FAT2: variants seen among roughly 807,000 people sequenced by gnomAD.
FAT2 encodes the protein FAT atypical cadherin 2.
In FAT2, 150 loss-of-function variants were observed where a neutral mutation model predicts 295.3. That is an observed-to-expected ratio of 0.51 (90% CI 0.44 to 0.58). FAT2 has a LOEUF of 0.58. FAT2 is among the 20% of genes least tolerant of loss of function. The probability of loss-of-function intolerance (pLI) is 0.00; values close to 1 mark genes in which losing one functional copy is unlikely to be tolerated. For missense variants in FAT2, 4,868 were observed against 5,442.7 expected, an observed-to-expected ratio of 0.89 and a Z score of 3.32; for synonymous variants, 2,026 against 2,150.3, an observed-to-expected ratio of 0.94 and a Z score of 1.60.
intron 20 of FAT2, among the ~76,000 whole-genome samples, chr5:151,515,775 CCTGACTGGG>C (rs1752806187): frequency 6.6e-6 from 1 of 152,206 alleles, no homozygotes; most frequent in African/African-American, 2.4e-5. Flanking sequence ...GCAGTGGCCT[CCTGACTGGG>C]TCTCTCTGCT....
chr5:151,518,030 C>A (rs1753040784), intron 19 of FAT2, among the ~76,000 whole-genome samples: 1 of 152,058 alleles, frequency 6.6e-6, no homozygotes, highest in South Asian at 2.1e-4. Flanking sequence ...GAATTTAAAC[C>A]ATTAAGAAAG....
chr5:151,551,091 G>C (rs1328874606), intron 7 of FAT2, among the ~76,000 whole-genome samples: 2 of 152,172 alleles, frequency 1.3e-5, no homozygotes, highest in Non-Finnish European at 2.9e-5. Flanking sequence ...TTCTGGAAGG[G>C]CCTTTCCATC....
chr5:151,531,592 C>T lies in FAT2; in HGVS notation c.9806G>A (p.Arg3269His), dbSNP rs1754612838. The change falls in exon 14 of 24, where the codon CGC (arginine) becomes CAC (histidine). Residue 3269 changes from arginine to histidine, a missense_variant. This residue lies in a region of FAT2 where 1,046 missense variants were observed against 1,210.1 expected (regional missense o/e 0.86). Coordinates refer to ENST00000261800, the MANE Select transcript of FAT2 (RefSeq NM_001447.3). This position sits in a 1 kb window ranked among gnomAD's most constrained non-coding sequence, Gnocchi z 5.7. ...NEQGRFRLDA[R>H]TGILYVNASL... ...TTGGTGGATCAGGCTCTCACCTGTG[C>T]GAGCATCCAGGCGGAACCTGCCTTG... 3.1e-6 allele frequency: 5 copies of T among 1,612,326 alleles called. No homozygotes were observed. Among genetic ancestry groups the T allele is most frequent in the Middle Eastern group, 2.1e-4 (1 of 4,784 alleles).
intron 22 of FAT2, 82 bp from the exon 23 acceptor site, chr5:151,507,693 G>T: frequency 7.7e-7 from 1 of 1,295,154 alleles, no homozygotes; most frequent in Non-Finnish European, 1.0e-6. Context: ...ATGGGATAGA[G>T]ACTGCTCCCC....
intron 3 of FAT2, among the ~76,000 whole-genome samples, chr5:151,562,199 A>C (rs1316419156): frequency 6.6e-6 from 1 of 152,192 alleles, no homozygotes; most frequent in Non-Finnish European, 1.5e-5. Context: ...TCCCAGCGTC[A>C]TCCTCCTCCT....
At chr5:151,578,243 C>A (rs912975332) in intron 1 of FAT2, among the ~76,000 whole-genome samples, 9 of 152,138 alleles carry the variant, frequency 5.9e-5, no homozygotes, top group Non-Finnish European at 8.8e-5. Context: ...GCTGAATGGG[C>A]CTCGTTTTGT....
chr5:151,520,119 C>G (rs534523897), intron 19 of FAT2, among the ~76,000 whole-genome samples: 1 of 152,326 alleles, frequency 6.6e-6, no homozygotes, highest in South Asian at 2.1e-4. Context: ...ATCGAGTGGT[C>G]CCTGGACAAA....
intron 13 of FAT2, among the ~76,000 whole-genome samples, chr5:151,533,571 T>C (rs952681337): frequency 1.3e-5 from 2 of 152,186 alleles, no homozygotes; most frequent in African/African-American, 4.8e-5. Flanking sequence ...AATTTTACCC[T>C]GCTGGTGTCA....
At chr5:151,552,639 G>A (rs950948682) in intron 6 of FAT2, among the ~76,000 whole-genome samples, 1 of 152,198 alleles carries the variant, frequency 6.6e-6, no homozygotes, top group Admixed American at 6.5e-5. Context: ...GAAGGGTTCT[G>A]TGACCCCCAG....
intron 12 of FAT2, among the ~76,000 whole-genome samples, chr5:151,536,589 C>T (rs1755317214): frequency 6.6e-6 from 1 of 152,206 alleles, no homozygotes. Flanking sequence ...ACTCTCACAG[C>T]CCAGCCTCTC....
chr5:151,583,746 C>T (rs968956597), intron 1 of FAT2, among the ~76,000 whole-genome samples: 4 of 151,764 alleles, frequency 2.6e-5, no homozygotes, highest in African/African-American at 9.7e-5. Flanking sequence ...GCCAGTAATC[C>T]CAACACTTTG....
Position 151,507,367 on chromosome 5 carries a change from C to T in FAT2, c.12304G>A (p.Glu4102Lys), listed in dbSNP as rs367689507. 5.0e-6 allele frequency: 8 copies of T among 1,614,066 alleles called. No individual in the cohort carries two copies. The highest frequency in any genetic ancestry group is 1.3e-5 in the African/African-American group (1 of 74,914). ...GVDTQAMPAIELNPLSASSCN... is the reference protein window; with the variant it reads ...GVDTQAMPAIKLNPLSASSCN... ...GAGCTGGCACTCAATGGGTTGAGCT[C>T]GATGGCAGGCATGGCTTGGGTGTCA... Residue 4102 changes from glutamate to lysine, a missense_variant, in exon 23 of 24, where the codon GAG becomes AAG. Around this residue, in one of 5 missense-constraint regions of FAT2, gnomAD observed 492 missense variants for 482.6 expected, o/e 1.02. Transcript: ENST00000261800.
At chr5:151,590,584 G>T (rs1759359532) in intron 1 of FAT2, among the ~76,000 whole-genome samples, 1 of 152,144 alleles carries the variant, frequency 6.6e-6, no homozygotes, top group African/African-American at 2.4e-5. Flanking sequence ...GACTATGCAT[G>T]CCCCCATTCT....
In FAT2 at chr5:151,567,726, C is replaced by A; in HGVS notation, c.1206G>T (p.Glu402Asp). Residue 402 changes from glutamate (E) to aspartate (D), a missense_variant, in exon 2 of 24, where the codon GAG becomes GAT. Glu to Asp is a conservative substitution (Grantham distance 45, BLOSUM62 2). This residue lies in a region of FAT2 where 3,297 missense variants were observed against 3,669.4 expected (regional missense o/e 0.90). Coordinates refer to ENST00000261800, the MANE Select transcript of FAT2 (RefSeq NM_001447.3). ...NLQYVLKPSS[E>D]NVGFKLNART... ...GAGCATTAAGTTTAAATCCTACATTCTCTGAAGATGGCTTTAGAACATACT... is the reference window on the plus strand; with the variant it reads ...GAGCATTAAGTTTAAATCCTACATTATCTGAAGATGGCTTTAGAACATACT... 6.2e-7 allele frequency: 1 copy of A among 1,614,226 alleles called. No homozygotes were observed. The highest frequency in any genetic ancestry group is 8.5e-7 in the Non-Finnish European group (1 of 1,180,044).
Position 151,568,424 on chromosome 5 carries a change from C to G in FAT2, c.508G>C (p.Val170Leu), listed in dbSNP as rs1278222147. 1 of 1,614,212 alleles carries G rather than the reference C, an allele frequency of 6.2e-7. No homozygotes were observed. The highest frequency in any genetic ancestry group is 8.5e-7 in the Non-Finnish European group (1 of 1,180,030). ...CCTAGATCAGCATCTGTGGCAGTCACCTTGCAGATGGGGCTCTTCAGGGGC... is the reference window on the plus strand; with the variant it reads ...CCTAGATCAGCATCTGTGGCAGTCAGCTTGCAGATGGGGCTCTTCAGGGGC... ...DMPLKSPICK[V>L]TATDADLGQN... Residue 170 changes from valine to leucine, a missense_variant, in exon 2 of 24, where the codon GTG becomes CTG. Val to Leu is a conservative substitution (Grantham distance 32). Transcript: ENST00000261800.
intron 10 of FAT2, among the ~76,000 whole-genome samples, chr5:151,541,088 A>G (rs187161481): frequency 9.4e-4 from 143 of 152,372 alleles, no homozygotes; most frequent in African/African-American, 3.3e-3. Flanking sequence ...TTCTATATAA[A>G]TGTCTAAGAT....
intron 19 of FAT2, 87 bp downstream of exon 19, chr5:151,521,189 C>T: frequency 2.2e-6 from 3 of 1,395,056 alleles, no homozygotes; most frequent in Non-Finnish European, 2.9e-6. Flanking sequence ...AACTCTCCCA[C>T]AGAGCCTCAG....
At chr5:151,528,269 A>C (rs1288250143) in intron 15 of FAT2, 136 bp from the exon 16 acceptor site, 4 of 955,212 alleles carry the variant, frequency 4.2e-6, no homozygotes, top group Non-Finnish European at 6.2e-6. Context: ...GTCCCTGCCA[A>C]AGTAATCTCT....
In FAT2 at chr5:151,511,905, A is replaced by G. The variant is rs576002576; in HGVS notation, c.11905+260T>C. ...GACACTAAGGTATGTGATTAATTCA[A>G]CCCTCTGCCCCTGAGGTCCCCATTC... On this transcript the variant is annotated intron_variant, in intron 21 of 23. Transcript: ENST00000261800. The G allele has an allele frequency of 9.6e-6, 5 of 519,762 alleles. No individual in the cohort carries two copies. In the East Asian group the frequency reaches 1.0e-4, roughly 10 times the overall value. 32.2% of individuals were successfully genotyped at this position (519,762 alleles called of 1,614,324 possible). A position where few individuals can be genotyped will look rare whatever the true frequency, so the allele number is the denominator to read the frequency against.
Sources: allele counts gnomAD v4.1 joint callset (sites outside exome capture counted in the v4.1 genomes callset), GRCh38; gene constraint gnomAD v4.1.1; regional missense constraint gnomAD v4.1.1; non-coding constraint Gnocchi (gnomAD v3.1); transcripts MANE v1.5; gene names NCBI Gene and HGNC (gene_info 2026-07-23, HGNC 2026-07-21).